FAT1: variants seen among roughly 807,000 people sequenced by gnomAD.
The protein encoded by FAT1 is FAT atypical cadherin 1.
A neutral mutation model predicts 329.8 loss-of-function variants in FAT1; 171 were observed. That is an observed-to-expected ratio of 0.52 (90% CI 0.46 to 0.59). FAT1 has a LOEUF of 0.59. Ranked by LOEUF, FAT1 falls within the 20% of genes least tolerant of loss-of-function variation. The pLI is 0.00. For synonymous variants in FAT1, 2,233 were observed against 2,228.6 expected (o/e 1.00, Z -0.06); for missense variants, 5,672 against 5,774.4 (o/e 0.98, Z 0.57).
upstream of FAT1, among the ~76,000 whole-genome samples, chr4:186,724,151 T>C (rs1579518074): frequency 9.0e-6 from 1 of 111,458 alleles, no homozygotes; most frequent in African/African-American, 3.6e-5. The surrounding 1 kb of genome is among the most constrained non-coding windows in gnomAD (Gnocchi z 5.3). Flanking sequence ...TGGGGAAAGC[T>C]CCCTGCCAAG....
chr4:186,647,515 CA>C (rs1167752430), intron 3 of FAT1, among the ~76,000 whole-genome samples: 5 of 152,098 alleles, frequency 3.3e-5, no homozygotes, highest in Admixed American at 1.3e-4. Context: ...GATTATACAA[CA>C]AAATTATTCA....
chr4:186,657,683 T>C (rs1741968626), intron 3 of FAT1, among the ~76,000 whole-genome samples: 2 of 152,264 alleles, frequency 1.3e-5, no homozygotes, highest in Admixed American at 1.3e-4. Flanking sequence ...TAAAGATCAA[T>C]ACTTGGTTTG....
chr4:186,599,819 A>G, intron 22 of FAT1, 79 bp downstream of exon 22: 2 of 1,127,868 alleles, frequency 1.8e-6, no homozygotes, highest in Non-Finnish European at 1.3e-6. Context: ...AGAGAAAAAA[A>G]TAAAAAAATA....
intron 7 of FAT1, among the ~76,000 whole-genome samples, chr4:186,632,712 G>A (rs868688268): frequency 6.6e-6 from 1 of 152,144 alleles, no homozygotes; most frequent in Non-Finnish European, 1.5e-5. Flanking sequence ...TAATCGAAAA[G>A]ACATCACCGA....
At chr4:186,667,782 C>T (rs796529377) in intron 2 of FAT1, among the ~76,000 whole-genome samples, 8 of 152,294 alleles carry the variant, frequency 5.3e-5, no homozygotes, top group African/African-American at 1.9e-4. Flanking sequence ...AAGCTTAGAT[C>T]CATTAAGAAA....
chr4:186,720,039 A>C (rs1046847890), intron 1 of FAT1, among the ~76,000 whole-genome samples: 1 of 152,132 alleles, frequency 6.6e-6, no homozygotes, highest in African/African-American at 2.4e-5. Flanking sequence ...CTAATTTCCT[A>C]ATTTCCCAAC....
At chr4:186,606,329 T>C (rs369542871) in intron 16 of FAT1, 116 bp from the exon 17 acceptor site, 8 of 1,074,084 alleles carry the variant, frequency 7.4e-6, no homozygotes, top group African/African-American at 6.3e-5. Flanking sequence ...CCACTATCTG[T>C]TGCATCCTGC....
At chr4:186,687,232 T>C (rs1743509657) in intron 2 of FAT1, among the ~76,000 whole-genome samples, 1 of 152,186 alleles carries the variant, frequency 6.6e-6, no homozygotes, top group South Asian at 2.1e-4. Flanking sequence ...AACCACTGTT[T>C]CAATTATGAT....
rs368589398 is a variant in FAT1 at position 186,636,669 on chromosome 4, C to G, written c.3888G>C (p.Glu1296Asp). ...EISYSIEDGN[E>D]HGKFFIEPKT... The stretch of plus-strand genomic sequence containing the variant: ...TCGGTTCGATGAAAAATTTGCCATG[C>G]TCATTCCCGTCTTCGATGCTGTAGG... Residue 1296 changes from glutamate to aspartate, a missense_variant, in exon 5 of 27, where the codon GAG becomes GAC. Glu to Asp is a conservative substitution (Grantham distance 45). This residue lies in a region of FAT1 where 3,966 missense variants were observed against 3,915.2 expected (regional missense o/e 1.01). Transcript: ENST00000441802. 4.2e-5 allele frequency: 67 copies of G among 1,613,974 alleles called. No individual in the cohort carries two copies. The highest frequency in any genetic ancestry group is 5.5e-5 in the Non-Finnish European group (65 of 1,179,888).
At chr4:186,664,343 C>A (rs1194836764) in intron 2 of FAT1, among the ~76,000 whole-genome samples, 2 of 152,164 alleles carry the variant, frequency 1.3e-5, no homozygotes, top group African/African-American at 4.8e-5. Context: ...ATAAACTACA[C>A]TATAAACTCC....
chr4:186,616,199 C>G (rs944991458), intron 11 of FAT1, among the ~76,000 whole-genome samples: 1 of 152,184 alleles, frequency 6.6e-6, no homozygotes, highest in Admixed American at 6.5e-5. Flanking sequence ...GAACTCGTCT[C>G]ATGTCATCTC....
chr4:186,622,622 C>T (rs1740099009), intron 9 of FAT1, among the ~76,000 whole-genome samples: 1 of 152,176 alleles, frequency 6.6e-6, no homozygotes, highest in African/African-American at 2.4e-5. Context: ...TCAGGCTATA[C>T]TGTATGTATC....
Position 186,620,471 on chromosome 4 carries a change from A to C in FAT1, c.6115T>G (p.Phe2039Val). The C allele has an allele frequency of 6.2e-7, 1 of 1,614,030 alleles. No homozygotes were observed. The highest frequency in any genetic ancestry group is 8.5e-7 in the Non-Finnish European group (1 of 1,179,904). Residue 2039 changes from phenylalanine (F) to valine (V), a missense_variant, in exon 10 of 27, where the codon TTC (phenylalanine) becomes GTC (valine). Physicochemically the swap from Phe to Val is conservative, Grantham distance 50. This residue lies in a region of FAT1 where 3,966 missense variants were observed against 3,915.2 expected (regional missense o/e 1.01). Transcript: ENST00000441802. ...AACGCCTCCTGCTGCTCACGATCGA[A>C]GGGCGTGCCAGTGGTTGACAGAACT... is the stretch of plus-strand genomic sequence containing the variant. Reference protein sequence around the residue: ...SGVLSTTGTPFDREQQEAFDV... With the variant: ...SGVLSTTGTPVDREQQEAFDV...
intron 21 of FAT1, 107 bp from the exon 22 acceptor site, chr4:186,600,467 G>C: frequency 1.1e-6 from 1 of 893,764 alleles, no homozygotes; most frequent in Non-Finnish European, 1.7e-6. Context: ...GTAGAAGTTA[G>C]GCCTTACATT....
chr4:186,596,409 A>C lies in FAT1; in HGVS notation c.13000+131T>G, dbSNP rs1464378102. ...ATCGGGACATCCAAAAAAGTTTCAA[A>C]TCATCATACGGATTTCAGTCTGAGC... On this transcript the variant is annotated intron_variant, in intron 25 of 26. Coordinates refer to ENST00000441802, the MANE Select transcript of FAT1 (RefSeq NM_005245.4). This position sits in a 1 kb window ranked among gnomAD's most constrained non-coding sequence, Gnocchi z 4.7. 2 of 1,057,952 alleles carry C rather than the reference A, an allele frequency of 1.9e-6. No homozygotes were observed. Among genetic ancestry groups the C allele is most frequent in the Non-Finnish European group, 2.7e-6 (2 of 748,948 alleles). 65.5% of individuals were successfully genotyped at this position (1,057,952 alleles called of 1,614,324 possible).
Position 186,706,740 on chromosome 4 carries a change from G to C in FAT1, c.3088C>G (p.His1030Asp), listed in dbSNP as rs955929146. Residue 1030 changes from histidine to aspartate, a missense_variant, in exon 2 of 27, where the codon CAC (histidine) becomes GAC (aspartate). Transcript: ENST00000441802. ...ACAAAGCTGGAAAACACGGGTGGGTGCAGGTTCTCATTCACATCAACCACC... is the reference window on the plus strand; with the variant it reads ...ACAAAGCTGGAAAACACGGGTGGGTCCAGGTTCTCATTCACATCAACCACC... ...VEVVDVNENL[H>D]PPVFSSFVEK... The C allele has an allele frequency of 1.1e-5, 18 of 1,613,984 alleles. No individual in the cohort carries two copies. Among genetic ancestry groups the C allele is most frequent in the Non-Finnish European group, 1.4e-5 (16 of 1,179,886 alleles).
At chr4:186,594,383 A>G (rs1422940741) in intron 26 of FAT1, among the ~76,000 whole-genome samples, 2 of 151,990 alleles carry the variant, frequency 1.3e-5, no homozygotes, top group Non-Finnish European at 2.9e-5. Flanking sequence ...TATTAAGAAG[A>G]CTGATGTTCC....
Position 186,663,506 on chromosome 4 carries a change from T to A in FAT1, c.3373A>T (p.Ile1125Phe), listed in dbSNP as rs56007012. ...TTGACATCCTCAACCTCTATGTAGATCTCTATGAACGATGAAAGAGGCACG... is the reference window on the plus strand; with the variant it reads ...TTGACATCCTCAACCTCTATGTAGAACTCTATGAACGATGAAAGAGGCACG... ...GVVPLSSFIE[I>F]YIEVEDVNDN... The change falls in exon 3 of 27, where the codon ATC becomes TTC. Residue 1125 changes from isoleucine to phenylalanine, a missense_variant. Physicochemically the swap from Ile to Phe is conservative, Grantham distance 21 (BLOSUM62 0). Around this residue, in one of 2 missense-constraint regions of FAT1, gnomAD observed 3,966 missense variants for 3,915.2 expected, o/e 1.01. Transcript: ENST00000441802. The A allele has an allele frequency of 4.3e-6, 7 of 1,613,864 alleles. No individual in the cohort carries two copies. In the Admixed American group the frequency reaches 6.7e-5, roughly 15 times the overall value.
intron 3 of FAT1, among the ~76,000 whole-genome samples, chr4:186,656,661 C>T (rs887673076): frequency 7.2e-5 from 11 of 152,086 alleles, no homozygotes; most frequent in Admixed American, 2.0e-4. Flanking sequence ...AGTGCCATTC[C>T]GGCTACTGGG....
Sources: allele counts gnomAD v4.1 joint callset (sites outside exome capture counted in the v4.1 genomes callset), GRCh38; gene constraint gnomAD v4.1.1; regional missense constraint gnomAD v4.1.1; non-coding constraint Gnocchi (gnomAD v3.1); transcripts MANE v1.5; gene names NCBI Gene and HGNC (gene_info 2026-07-23, HGNC 2026-07-21).